FAT3: variants seen among roughly 807,000 people sequenced by gnomAD.
The protein encoded by FAT3 is protocadherin Fat 3.
Under a neutral mutation model 310.2 loss-of-function variants are expected in FAT3, and 95 were observed. The ratio of observed to expected loss-of-function variants is 0.31; its 90% CI spans 0.26 to 0.36. The LOEUF (loss-of-function observed/expected upper bound fraction) is 0.36. FAT3 is among the 10% of genes least tolerant of loss of function. The probability of loss-of-function intolerance (pLI) is 1.00; values close to 1 mark genes in which losing one functional copy is unlikely to be tolerated. For missense variants in FAT3, 5,408 were observed against 5,715.6 expected (o/e 0.95, Z 1.74); for synonymous variants, 2,314 against 2,192.9 (o/e 1.06, Z -1.54).
At chr11:92,757,593 A>G (rs1946037156) in intron 4 of FAT3, among the ~76,000 whole-genome samples, 1 of 152,190 alleles carries the variant, frequency 6.6e-6, no homozygotes, top group African/African-American at 2.4e-5. Flanking sequence ...TGATGGAATG[A>G]TTGATGATGC....
chr11:92,527,969 C>T (rs951087284), intron 3 of FAT3, among the ~76,000 whole-genome samples: 13 of 152,110 alleles, frequency 8.5e-5, no homozygotes, highest in Non-Finnish European at 1.9e-4. Flanking sequence ...CTCTGCTGTA[C>T]AGTTGGAATT....
At chr11:92,561,968 G>T (rs990426208) in intron 3 of FAT3, among the ~76,000 whole-genome samples, 3 of 152,052 alleles carry the variant, frequency 2.0e-5, no homozygotes, top group Admixed American at 6.6e-5. Flanking sequence ...AACGTCTCCT[G>T]CTCATGAAGT....
rs541450575 is a variant in FAT3 at position 92,796,638 on chromosome 11, T to C, written c.4823-1198T>C. On this transcript the variant is annotated intron_variant, in intron 9 of 27. Transcript: ENST00000525166. ...ATAACCAAGATCTTTAACTTTTGATTGGAAAGGATCTCAACACAGAAGTAT... is the reference window on the plus strand; with the variant it reads ...ATAACCAAGATCTTTAACTTTTGATCGGAAAGGATCTCAACACAGAAGTAT... Among the ~76,000 whole-genome samples the C allele has an allele frequency of 3.9e-5, 6 of 152,280 alleles. No homozygotes were observed. The East Asian group carries it at 1.2e-3, about 29-fold the overall frequency.
At chr11:92,409,859 A>G (rs1373999415) in intron 2 of FAT3, among the ~76,000 whole-genome samples, 1 of 152,140 alleles carries the variant, frequency 6.6e-6, no homozygotes. Context: ...AGCATTCTAT[A>G]CAAGTGGTTG....
At chr11:92,660,737 G>T (rs1942752885) in intron 3 of FAT3, among the ~76,000 whole-genome samples, 1 of 152,172 alleles carries the variant, frequency 6.6e-6, no homozygotes, top group South Asian at 2.1e-4. Context: ...GCCTTTTCTT[G>T]TTCTGGATTT....
At chr11:92,345,471 C>T (rs1477191366) in intron 1 of FAT3, among the ~76,000 whole-genome samples, 1 of 152,142 alleles carries the variant, frequency 6.6e-6, no homozygotes, top group Non-Finnish European at 1.5e-5. Context: ...TTCTTCAGAA[C>T]TTGTTAGAAT....
chr11:92,710,396 C>G (rs956217435), intron 4 of FAT3, among the ~76,000 whole-genome samples: 4 of 152,182 alleles, frequency 2.6e-5, no homozygotes, highest in African/African-American at 9.7e-5. Context: ...GGCAAAGTCT[C>G]AACTTTGCAT....
chr11:92,257,781 A>G (rs1304164534), intron 1 of FAT3, among the ~76,000 whole-genome samples: 1 of 152,162 alleles, frequency 6.6e-6, no homozygotes, highest in Non-Finnish European at 1.5e-5. Context: ...TTTTGGGTGC[A>G]GTTAGAACTA....
chr11:92,429,673 A>G (rs1565309923), intron 2 of FAT3, among the ~76,000 whole-genome samples: 1 of 152,096 alleles, frequency 6.6e-6, no homozygotes, highest in East Asian at 1.9e-4. Flanking sequence ...TTCTGGGTGG[A>G]AAATTCTTTT....
At chr11:92,532,218 A>G (rs1227759431) in intron 3 of FAT3, among the ~76,000 whole-genome samples, 1 of 152,132 alleles carries the variant, frequency 6.6e-6, no homozygotes, top group Non-Finnish European at 1.5e-5. Flanking sequence ...GAGGGAAGGA[A>G]TGTTACACAA....
intron 1 of FAT3, among the ~76,000 whole-genome samples, chr11:92,305,955 C>G (rs1947106121): frequency 6.6e-6 from 1 of 151,984 alleles, no homozygotes; most frequent in African/African-American, 2.4e-5. Flanking sequence ...ATGTTAATTT[C>G]CTATCATTGT....
chr11:92,793,419 C>T (rs1346659846), intron 9 of FAT3, among the ~76,000 whole-genome samples: 3 of 152,072 alleles, frequency 2.0e-5, no homozygotes, highest in East Asian at 3.9e-4. Flanking sequence ...AATTCCTTCA[C>T]CCTCATAGTT....
intron 2 of FAT3, among the ~76,000 whole-genome samples, chr11:92,357,656 G>T (rs1948769518): frequency 6.6e-6 from 1 of 152,034 alleles, no homozygotes; most frequent in South Asian, 2.1e-4. Flanking sequence ...CTATACAGAT[G>T]ACTACATCAA....
chr11:92,442,078 A>AT (rs1339635943), intron 2 of FAT3, among the ~76,000 whole-genome samples: 126 of 84,322 alleles, frequency 1.5e-3, no homozygotes, highest in African/African-American at 8.4e-3. Context: ...AGAAATATAT[A>AT]TTTTATATAT....
rs191529838 is a variant in FAT3, at chr11:92,894,791, A to G, written c.*3678A>G. 5.9e-5 allele frequency: 9 copies of G among 152,184 alleles called. No homozygotes were observed. Among genetic ancestry groups the G allele is most frequent in the Non-Finnish European group, 1.0e-4 (7 of 68,038 alleles). 9.4% of individuals were successfully genotyped at this position (152,184 alleles called of 1,614,324 possible). ...TGGTCCATGCTTTGAGGTTCATCCA[A>G]TTAGGGAATAAATGTGAAAGGCTGG... On this transcript the variant is annotated 3_prime_UTR_variant, in exon 28 of 28. Transcript: ENST00000525166.
chr11:92,388,893 T>C (rs1224874945), intron 2 of FAT3, among the ~76,000 whole-genome samples: 2 of 152,206 alleles, frequency 1.3e-5, no homozygotes. Flanking sequence ...TCATGTCCCT[T>C]TCCCTGAACT....
chr11:92,793,235 AAAAT>A, intron 9 of FAT3, among the ~76,000 whole-genome samples: 1 of 152,326 alleles, frequency 6.6e-6, no homozygotes, highest in African/African-American at 2.4e-5. Flanking sequence ...TAGAGAAGAG[AAAAT>A]AAATACGTAA....
At chr11:92,244,805 C>T (rs1475477857) in intron 1 of FAT3, among the ~76,000 whole-genome samples, 1 of 151,986 alleles carries the variant, frequency 6.6e-6, no homozygotes, top group Non-Finnish European at 1.5e-5. Flanking sequence ...CATCTCACAC[C>T]AGTTAGAATA....
chr11:92,322,729 C>T lies in FAT3; in HGVS notation c.-17-29367C>T, dbSNP rs1302327559. 2.6e-5 allele frequency among the ~76,000 whole-genome samples: 4 copies of T among 152,152 alleles called. No homozygotes were observed. In the South Asian group the frequency reaches 6.2e-4, roughly 24 times the overall value. ...TTCTTTGGTCATACTTGAGAAATAA[C>T]TTCTCATCTGTTCAAGTTTTATCAT... On this transcript the variant is annotated intron_variant, in intron 1 of 27. Coordinates refer to ENST00000525166, the MANE Select transcript of FAT3 (RefSeq NM_001367949.2).
Sources: gnomAD v4.1 joint callset for allele counts (sites outside exome capture counted in the v4.1 genomes callset) on GRCh38, gnomAD v4.1.1 for gene constraint, MANE v1.5 for transcripts, NCBI Gene and HGNC (gene_info 2026-07-23, HGNC 2026-07-21) for gene names.